The following ITFG1 variants were observed in gnomAD, a reference collection of about 807,000 sequenced individuals.
The protein encoded by ITFG1 is integrin alpha FG-GAP repeat containing 1, also known as T-cell immunomodulatory protein.
A neutral mutation model predicts 81.8 loss-of-function variants in ITFG1; 34 were observed. The observed-to-expected ratio is 0.42, with a 90% CI of 0.32 to 0.55. The LOEUF (loss-of-function observed/expected upper bound fraction) is 0.55. Among genes scored for constraint, ITFG1 ranks in the 20% least tolerant of loss-of-function variants. The probability of loss-of-function intolerance (pLI) is 0.17; values close to 1 mark genes in which losing one functional copy is unlikely to be tolerated. For synonymous variants in ITFG1, 285 were observed against 270.6 expected (o/e 1.05, Z -0.52); for missense variants, 672 against 755.4 (o/e 0.89, Z 1.29).
intron 9 of ITFG1, 59 bp from the exon 10 acceptor site, chr16:47,311,471 T>C: frequency 7.5e-7 from 1 of 1,339,348 alleles, no homozygotes; most frequent in Non-Finnish European, 1.0e-6. Context: ...AATTTATAAT[T>C]TGCAAAACAA....
chr16:47,307,144 A>G (rs991038225), intron 10 of ITFG1, among the ~76,000 whole-genome samples: 2 of 148,118 alleles, frequency 1.4e-5, no homozygotes, highest in African/African-American at 5.0e-5. Flanking sequence ...AGCCTTTATC[A>G]AGTCTGATGA....
intron 7 of ITFG1, among the ~76,000 whole-genome samples, chr16:47,371,425 C>A (rs916875678): frequency 2.6e-5 from 4 of 152,100 alleles, no homozygotes; most frequent in African/African-American, 9.7e-5. Context: ...CCACAACTAC[C>A]AAAACCACTG....
At chr16:47,163,730 C>G (rs977391896) in intron 14 of ITFG1, among the ~76,000 whole-genome samples, 3 of 152,082 alleles carry the variant, frequency 2.0e-5, no homozygotes, top group African/African-American at 4.8e-5. Context: ...ATGTTCCCAC[C>G]AGCAATGGAT....
intron 12 of ITFG1, among the ~76,000 whole-genome samples, chr16:47,245,514 A>G (rs573034274): frequency 1.1e-4 from 16 of 151,746 alleles, no homozygotes; most frequent in African/African-American, 2.4e-4. Flanking sequence ...TCATACCCCA[A>G]TTTTTTTTCC....
chr16:47,347,989 C>T (rs1309208559), intron 8 of ITFG1, among the ~76,000 whole-genome samples: 1 of 152,200 alleles, frequency 6.6e-6, no homozygotes, highest in Admixed American at 6.5e-5. Flanking sequence ...AACAGACCTG[C>T]AGCTGAGGGT....
chr16:47,333,067 G>C (rs1338909603), intron 8 of ITFG1, among the ~76,000 whole-genome samples: 1 of 151,990 alleles, frequency 6.6e-6, no homozygotes, highest in African/African-American at 2.4e-5. Context: ...AATGCCCAAA[G>C]CTGTTCTTAT....
intron 8 of ITFG1, among the ~76,000 whole-genome samples, chr16:47,315,453 G>C (rs1358448495): frequency 6.6e-6 from 1 of 152,114 alleles, no homozygotes; most frequent in African/African-American, 2.4e-5. Flanking sequence ...AGAACAATTT[G>C]AAGAGCATTA....
At position 47,235,765 on chromosome 16, in the gene ITFG1, TATGATCTG is replaced by T. The variant is rs142006097; in HGVS notation, c.1374+2192_1374+2199del. Among the ~76,000 whole-genome samples the T allele has an allele frequency of 9.3e-3, 1,414 of 152,354 alleles. 11 individuals are homozygous for T. The highest frequency in any genetic ancestry group is 0.028 in the South Asian group (136 of 4,830). ...TCACATCCAATATAACACTTTTTAC[TATGATCTG>T]ATGTCAAAGGAATATGAAGAAGAAC... On this transcript the variant is annotated intron_variant, in intron 13 of 17. Transcript: ENST00000320640.
intron 10 of ITFG1, among the ~76,000 whole-genome samples, chr16:47,285,440 C>A (rs1567445892): frequency 6.6e-6 from 1 of 152,154 alleles, no homozygotes; most frequent in Non-Finnish European, 1.5e-5. Flanking sequence ...GTTCTGTAAG[C>A]CACTCCAGCA....
At chr16:47,163,944 CACACACACAT>C (rs1007771192) in intron 14 of ITFG1, among the ~76,000 whole-genome samples, 17 of 149,428 alleles carry the variant, frequency 1.1e-4, no homozygotes, top group African/African-American at 4.3e-4. Flanking sequence ...CACACACACA[CACACACACAT>C]ACACACACAC....
At chr16:47,355,195 A>T (rs1209832380) in intron 8 of ITFG1, among the ~76,000 whole-genome samples, 1 of 152,154 alleles carries the variant, frequency 6.6e-6, no homozygotes, top group Non-Finnish European at 1.5e-5. Context: ...ATATACAATG[A>T]TATATTGTTC....
intron 6 of ITFG1, among the ~76,000 whole-genome samples, chr16:47,410,957 C>T (rs1265663173): frequency 6.6e-6 from 1 of 152,140 alleles, no homozygotes; most frequent in East Asian, 1.9e-4. Flanking sequence ...ACCCCATCCG[C>T]CAGCCTCTCC....
chr16:47,355,421 A>G (rs573810646), intron 8 of ITFG1, among the ~76,000 whole-genome samples: 1 of 152,266 alleles, frequency 6.6e-6, no homozygotes, highest in Admixed American at 6.5e-5. Flanking sequence ...AAAGGGCACA[A>G]AGTTACAGTT....
At position 47,396,524 on chromosome 16, in the gene ITFG1, T is replaced by G. The variant is rs111603247; in HGVS notation, c.656-20584A>C. Among the ~76,000 whole-genome samples the G allele has an allele frequency of 7.7e-3, 1,144 of 149,168 alleles. 28 individuals are homozygous for G. The highest frequency in any genetic ancestry group is 0.027 in the African/African-American group (1,085 of 40,266). The stretch of plus-strand genomic sequence containing the variant: ...ACAGTCTCCTAACCTAATAATTATT[T>G]TGTGTGTGTGTGTGTGTGTGAAAGA... On this transcript the variant is annotated intron_variant, in intron 6 of 17. Coordinates refer to ENST00000320640, the MANE Select transcript of ITFG1 (RefSeq NM_030790.5).
At chr16:47,423,367 A>G (rs1006143853) in intron 6 of ITFG1, among the ~76,000 whole-genome samples, 1 of 151,820 alleles carries the variant, frequency 6.6e-6, no homozygotes, top group African/African-American at 2.4e-5. Context: ...CAGCACATCA[A>G]TGGGTCTTGA....
At chr16:47,427,177 T>C (rs1011254140) in intron 6 of ITFG1, among the ~76,000 whole-genome samples, 2 of 152,192 alleles carry the variant, frequency 1.3e-5, no homozygotes, top group African/African-American at 2.4e-5. Flanking sequence ...ACAATAATCA[T>C]TCATACCTCC....
At chr16:47,223,272 AG>A (rs1241116194) in intron 13 of ITFG1, among the ~76,000 whole-genome samples, 1 of 152,200 alleles carries the variant, frequency 6.6e-6, no homozygotes, top group Non-Finnish European at 1.5e-5. Flanking sequence ...GCACAGCAAA[AG>A]AAACTACCAT....
chr16:47,181,608 G>T (rs1239474924), intron 14 of ITFG1, among the ~76,000 whole-genome samples: 55 of 147,636 alleles, frequency 3.7e-4, no homozygotes, highest in African/African-American at 1.3e-3. Flanking sequence ...GGAGGTGAGG[G>T]GCGCCTCTGC....
Position 47,261,358 on chromosome 16 carries a change from A to G in ITFG1, c.1071-663T>C, listed in dbSNP as rs553882017. 2.6e-5 allele frequency among the ~76,000 whole-genome samples: 4 copies of G among 152,354 alleles called. No individual in the cohort carries two copies. In the South Asian group the frequency reaches 6.2e-4, roughly 24 times the overall value. ...ATCCTCATTTGTAAGCTGTATAATA[A>G]GAGTACTTAGAGCATAGGTTGTTAA... On this transcript the variant is annotated intron_variant, in intron 10 of 17. Coordinates refer to ENST00000320640, the MANE Select transcript of ITFG1 (RefSeq NM_030790.5).
Sources: allele counts gnomAD v4.1 joint callset (sites outside exome capture counted in the v4.1 genomes callset), GRCh38; gene constraint gnomAD v4.1.1; transcripts MANE v1.5; gene names NCBI Gene and HGNC (gene_info 2026-07-23, HGNC 2026-07-21).